STRN: variants seen among roughly 807,000 people sequenced by gnomAD.
STRN encodes protein phosphatase 2 regulatory subunit B'''alpha.
Under a neutral mutation model 96.3 loss-of-function variants are expected in STRN, and 53 were observed. That is an observed-to-expected ratio of 0.55 (90% CI 0.44 to 0.69). STRN has a LOEUF of 0.69. STRN is among the 30% of genes least tolerant of loss of function. The pLI is 0.00. For synonymous variants in STRN, 428 were observed against 355.9 expected, an observed-to-expected ratio of 1.20 and a Z score of -2.28; for missense variants, 987 against 963.9, an observed-to-expected ratio of 1.02 and a Z score of -0.32.
intron 1 of STRN, among the ~76,000 whole-genome samples, chr2:36,946,452 A>G (rs1373750788): frequency 6.6e-6 from 1 of 152,208 alleles, no homozygotes; most frequent in African/African-American, 2.4e-5. Flanking sequence ...TAGGTATTTA[A>G]GTATAGGATA....
intron 6 of STRN, among the ~76,000 whole-genome samples, chr2:36,895,613 G>A (rs1669518282): frequency 1.3e-5 from 2 of 151,604 alleles, no homozygotes; most frequent in South Asian, 4.2e-4. Context: ...CCAGACTAAG[G>A]TAGAAAGGTG....
chr2:36,861,618 G>C (rs1668482253), intron 12 of STRN, among the ~76,000 whole-genome samples: 1 of 152,082 alleles, frequency 6.6e-6, no homozygotes, highest in Non-Finnish European at 1.5e-5. Flanking sequence ...GCCTGAGTCA[G>C]ATATTATGTG....
At chr2:36,878,217 G>C (rs901856837) in intron 9 of STRN, among the ~76,000 whole-genome samples, 190 bp from the exon 10 acceptor site, 2 of 152,046 alleles carry the variant, frequency 1.3e-5, no homozygotes, top group Non-Finnish European at 2.9e-5. Context: ...CTTAACCACA[G>C]GTAAAGGCAT....
intron 1 of STRN, among the ~76,000 whole-genome samples, chr2:36,953,869 G>T (rs547806845): frequency 6.6e-6 from 1 of 152,302 alleles, no homozygotes; most frequent in Admixed American, 6.5e-5. Context: ...AGTGGGTCAA[G>T]ACTGTAATCC....
At chr2:36,948,639 C>G (rs1475184086) in intron 1 of STRN, among the ~76,000 whole-genome samples, 1 of 152,064 alleles carries the variant, frequency 6.6e-6, no homozygotes, top group Non-Finnish European at 1.5e-5. Flanking sequence ...TCCCTAATTC[C>G]TAGAACAGTT....
At position 36,966,230 on chromosome 2, in the gene STRN, C is replaced by T; in HGVS notation, c.234G>A (p.Gln78=). The change falls in exon 1 of 18, where the codon CAG becomes CAA. Residue 78 remains glutamine (Q), a splice_region_variant and synonymous_variant. Transcript: ENST00000263918. ...AQWEVERAEL[Q]AQIAFLQGER... Reference sequence around the variant, plus strand: ...ACGGCCAGGCCGGGAGGGTCTTTACCTGCAGCTCCGCCCGCTCCACCTCCC... The same window carrying T: ...ACGGCCAGGCCGGGAGGGTCTTTACTTGCAGCTCCGCCCGCTCCACCTCCC... 6.4e-7 allele frequency: 1 copy of T among 1,564,214 alleles called. No homozygotes were observed. Among genetic ancestry groups the T allele is most frequent in the Non-Finnish European group, 8.6e-7 (1 of 1,157,352 alleles).
At position 36,966,377 on chromosome 2, in the gene STRN, C is replaced by G. The variant is rs1443127919; in HGVS notation, c.87G>C (p.Glu29Asp). The stretch of plus-strand genomic sequence containing the variant: ...CCGCCCCGTCGCCGGCCGCGGCAGC[C>G]TCCGCCAGAGGCCCGAGCCCCTTGG... ...GGAKGLGPLA[E>D]AAAAGDGAAA... The change falls in exon 1 of 18, where the codon GAG (glutamate) becomes GAC (aspartate). Residue 29 changes from glutamate (E) to aspartate (D), a missense_variant. Coordinates refer to ENST00000263918, the MANE Select transcript of STRN (RefSeq NM_003162.4). 2.0e-6 allele frequency: 3 copies of G among 1,465,266 alleles called. No homozygotes were observed. The highest frequency in any genetic ancestry group is 2.7e-6 in the Non-Finnish European group (3 of 1,110,664). 90.8% of individuals were successfully genotyped at this position (1,465,266 alleles called of 1,614,324 possible).
chr2:36,905,394 A>C, intron 4 of STRN, 146 bp downstream of exon 4: 1 of 689,612 alleles, frequency 1.5e-6, no homozygotes, highest in Non-Finnish European at 2.5e-6. Flanking sequence ...TTTAATATGA[A>C]AAAGGAACAG....
Position 36,846,794 on chromosome 2 carries a change from A to G in STRN, c.*2662T>C, listed in dbSNP as rs538484541. 2.0e-5 allele frequency: 3 copies of G among 152,190 alleles called. No homozygotes were observed. In the East Asian group the frequency reaches 5.8e-4, roughly 29 times the overall value. 9.4% of individuals were successfully genotyped at this position (152,190 alleles called of 1,614,324 possible). A position where few individuals can be genotyped will look rare whatever the true frequency, so the allele number is the denominator to read the frequency against. On this transcript the variant is annotated 3_prime_UTR_variant, in exon 18 of 18. Transcript: ENST00000263918. ...GGTTTGAGTAGCAAATGAGCTCCAT[A>G]TGACAGTTGAGTTTTGAGAAGGGTG...
rs755215405 is a variant in STRN at position 36,884,031 on chromosome 2, C to A, written c.1087G>T (p.Asp363Tyr). ...KLQDMLANLR[D>Y]VDELPSLQPS... The stretch of plus-strand genomic sequence containing the variant: ...TGCAATGAAGGAAGTTCATCAACAT[C>A]TCTCAAATTAGCAAGCATATCTTGT... Residue 363 changes from aspartate to tyrosine, a missense_variant, in exon 9 of 18, where the codon GAT becomes TAT. Asp to Tyr is a radical substitution (Grantham distance 160, BLOSUM62 -3). Transcript: ENST00000263918. 1.4e-6 allele frequency: 2 copies of A among 1,430,328 alleles called. No homozygotes were observed. The highest frequency in any genetic ancestry group is 1.8e-6 in the Non-Finnish European group (2 of 1,084,816). 88.6% of individuals were successfully genotyped at this position (1,430,328 alleles called of 1,614,324 possible). A position where few individuals can be genotyped will look rare whatever the true frequency, so the allele number is the denominator to read the frequency against.
In STRN at chr2:36,869,693, T is replaced by G; in HGVS notation, c.1360A>C (p.Asn454His). Residue 454 changes from asparagine (N) to histidine (H), a missense_variant, in exon 11 of 18, where the codon AAC (asparagine) becomes CAC (histidine). Coordinates refer to ENST00000263918, the MANE Select transcript of STRN (RefSeq NM_003162.4). ...TGACTTCTCAATGTAAACTTAGGGT[T>G]CCATGTCTTCCTCAATGCATCTTTA... ...NNKDALRKTW[N>H]PKFTLRSHFD... 6.2e-7 allele frequency: 1 copy of G among 1,608,892 alleles called. No homozygotes were observed. The highest frequency in any genetic ancestry group is 1.3e-5 in the African/African-American group (1 of 74,876).
At chr2:36,890,473 A>G (rs377226740) in intron 7 of STRN, among the ~76,000 whole-genome samples, 12 of 151,030 alleles carry the variant, frequency 7.9e-5, no homozygotes, top group South Asian at 6.3e-4. Flanking sequence ...ACTGCACCAG[A>G]AAACTTTTTT....
intron 2 of STRN, among the ~76,000 whole-genome samples, chr2:36,921,921 A>G (rs1332607784): frequency 6.6e-6 from 1 of 152,214 alleles, no homozygotes; most frequent in African/African-American, 2.4e-5. Flanking sequence ...GACCAGGAAA[A>G]AAAAATGCTA....
chr2:36,899,525 T>A lies in STRN; in HGVS notation c.793A>T (p.Thr265Ser), dbSNP rs753451796. The A allele has an allele frequency of 3.1e-6, 5 of 1,612,028 alleles. No individual in the cohort carries two copies. In the East Asian group the frequency reaches 8.9e-5, roughly 29 times the overall value. ...ATTGTATGAGTTATCTAACTCACTGTTGAAGTATCAATGACGCTTTTCTCT... is the reference window on the plus strand; with the variant it reads ...ATTGTATGAGTTATCTAACTCACTGATGAAGTATCAATGACGCTTTTCTCT... Reference protein sequence around the residue: ...GREKSVIDTSTIVRKKALPDS... With the variant: ...GREKSVIDTSSIVRKKALPDS... Residue 265 changes from threonine to serine, a missense_variant and splice_region_variant, in exon 6 of 18, where the codon ACA (threonine) becomes TCA (serine). Coordinates refer to ENST00000263918, the MANE Select transcript of STRN (RefSeq NM_003162.4).
At chr2:36,885,977 T>C (rs924890449) in intron 8 of STRN, among the ~76,000 whole-genome samples, 2 of 152,094 alleles carry the variant, frequency 1.3e-5, no homozygotes, top group Non-Finnish European at 2.9e-5. Flanking sequence ...CAGGAATGGT[T>C]TGTAAGGTTT....
At position 36,963,836 on chromosome 2, in the gene STRN, A is replaced by G. The variant is rs139068077; in HGVS notation, c.234+2394T>C. On this transcript the variant is annotated intron_variant, in intron 1 of 17. Transcript: ENST00000263918. ...GCCAGGCATGGTGGTGCATGACTGT[A>G]ATCCCAGCTACTTGGGAGGCTGAGG... 4.6e-5 allele frequency among the ~76,000 whole-genome samples: 7 copies of G among 152,140 alleles called. No individual in the cohort carries two copies. In the East Asian group the frequency reaches 1.4e-3, roughly 30 times the overall value.
In STRN at chr2:36,838,941, T is replaced by C. The variant is rs1350681609; in HGVS notation, c.*10515A>G. Among the ~76,000 whole-genome samples, 2 of 152,188 alleles carry C rather than the reference T, an allele frequency of 1.3e-5. No homozygotes were observed. The highest frequency in any genetic ancestry group is 1.3e-4 in the Admixed American group (2 of 15,262). ...TCTCATTAACGTTAGACTGTATATGTTTACTGATAAATTTGAGAGACCTTT... is the reference window on the plus strand; with the variant it reads ...TCTCATTAACGTTAGACTGTATATGCTTACTGATAAATTTGAGAGACCTTT... On this transcript the variant is annotated 3_prime_UTR_variant, in exon 18 of 18. Transcript: ENST00000263918.
intron 1 of STRN, among the ~76,000 whole-genome samples, chr2:36,953,225 C>G (rs1378924813): frequency 6.6e-6 from 1 of 152,126 alleles, no homozygotes; most frequent in Admixed American, 6.6e-5. Flanking sequence ...CCCAGCTCAC[C>G]TTAATTCCAG....
intron 1 of STRN, among the ~76,000 whole-genome samples, chr2:36,930,814 C>G (rs1488687603): frequency 2.0e-5 from 3 of 152,116 alleles, no homozygotes; most frequent in Non-Finnish European, 4.4e-5. Context: ...GGGTGGATCA[C>G]TTGAGGTCAG....
Sources: gnomAD v4.1 joint callset for allele counts (sites outside exome capture counted in the v4.1 genomes callset) on GRCh38, gnomAD v4.1.1 for gene constraint, MANE v1.5 for transcripts, NCBI Gene and HGNC (gene_info 2026-07-23, HGNC 2026-07-21) for gene names.